DDX60: variants seen among roughly 807,000 people sequenced by gnomAD.
DDX60 encodes the protein probable ATP-dependent RNA helicase DDX60.
Under a neutral mutation model 212.8 loss-of-function variants are expected in DDX60, and 165 were observed. The observed-to-expected ratio is 0.78, with a 90% CI of 0.68 to 0.88. The LOEUF (loss-of-function observed/expected upper bound fraction) is 0.88. DDX60 is among the 40% of genes least tolerant of loss of function. The pLI is 0.00. For synonymous variants in DDX60, 703 were observed against 685.3 expected (o/e 1.03, Z -0.40); for missense variants, 1,905 against 2,003.9 (o/e 0.95, Z 0.94).
chr4:168,275,543 A>G, intron 15 of DDX60, 40 bp from the exon 16 acceptor site: 1 of 1,511,396 alleles, frequency 6.6e-7, no homozygotes, highest in East Asian at 2.3e-5. Context: ...ATGACATTGA[A>G]TTAGAATATC....
In DDX60 at chr4:168,287,054, T is replaced by C; in HGVS notation, c.1333A>G (p.Ile445Val). The C allele has an allele frequency of 6.2e-7, 1 of 1,601,026 alleles. No individual in the cohort carries two copies. The highest frequency in any genetic ancestry group is 8.5e-7 in the Non-Finnish European group (1 of 1,176,710). Reference sequence around the variant, plus strand: ...TAATTTAGAAATTTATTACCTTTGATTGGTGATGGTTTCTTTTCAAGAAAA... The same window carrying C: ...TAATTTAGAAATTTATTACCTTTGACTGGTGATGGTTTCTTTTCAAGAAAA... ...VCFLEKKPSPIKDSSNEMVPN... is the reference protein window; with the variant it reads ...VCFLEKKPSPVKDSSNEMVPN... The change falls in exon 10 of 38, where the codon ATC (isoleucine) becomes GTC (valine). Residue 445 changes from isoleucine (I) to valine (V), a missense_variant. Coordinates refer to ENST00000393743, the MANE Select transcript of DDX60 (RefSeq NM_017631.6).
At chr4:168,267,167 A>G (rs1734883132) in intron 22 of DDX60, among the ~76,000 whole-genome samples, 1 of 152,202 alleles carries the variant, frequency 6.6e-6, no homozygotes, top group Non-Finnish European at 1.5e-5. Context: ...CGTGATTGCT[A>G]CATTAGTGAG....
At chr4:168,258,955 C>A (rs1419488611) in intron 25 of DDX60, among the ~76,000 whole-genome samples, 2 of 152,196 alleles carry the variant, frequency 1.3e-5, no homozygotes, top group Non-Finnish European at 2.9e-5. Flanking sequence ...CTAACTCTTA[C>A]CTTCCTAGTC....
intron 6 of DDX60, among the ~76,000 whole-genome samples, chr4:168,301,583 AAAT>A (rs1736649758): frequency 7.0e-6 from 1 of 143,020 alleles, no homozygotes; most frequent in Non-Finnish European, 1.6e-5. Context: ...ATACTGACAT[AAAT>A]AAACAAATAA....
At chr4:168,271,335 G>A (rs1735090656) in intron 19 of DDX60, among the ~76,000 whole-genome samples, 1 of 152,174 alleles carries the variant, frequency 6.6e-6, no homozygotes, top group African/African-American at 2.4e-5. Context: ...ATGATTTCTG[G>A]TTCCACTGCG....
intron 6 of DDX60, among the ~76,000 whole-genome samples, chr4:168,297,382 G>GAGAGAGAGAGAGAGAGAGAAAGAA (rs1560870698): frequency 5.0e-5 from 2 of 39,908 alleles, no homozygotes. Flanking sequence ...AAGAAAGAAA[G>GAGAGAGAGAGAGAGAGAGAAAGAA]AGAAAGAAAG....
chr4:168,245,669 T>C (rs968522801), intron 30 of DDX60, among the ~76,000 whole-genome samples: 1 of 152,178 alleles, frequency 6.6e-6, no homozygotes, highest in Admixed American at 6.5e-5. Flanking sequence ...CTGATTTAAC[T>C]GGGCATGTTA....
intron 25 of DDX60, among the ~76,000 whole-genome samples, chr4:168,259,401 G>A (rs1384981481): frequency 2.6e-5 from 4 of 152,142 alleles, no homozygotes; most frequent in African/African-American, 7.2e-5. Context: ...GTGCAGAAAT[G>A]TATTTTCCTT....
chr4:168,236,052 G>T, intron 33 of DDX60, 200 bp downstream of exon 33: 1 of 460,046 alleles, frequency 2.2e-6, no homozygotes, highest in Non-Finnish European at 3.7e-6. Context: ...TTTTCACAAA[G>T]ACTTTAACTT....
At chr4:168,290,265 T>C (rs1417312115) in intron 8 of DDX60, among the ~76,000 whole-genome samples, 1 of 152,042 alleles carries the variant, frequency 6.6e-6, no homozygotes, top group Non-Finnish European at 1.5e-5. Context: ...GCTAACTCCT[T>C]CTATTCCTCC....
At chr4:168,247,324 A>G (rs1734056513) in intron 29 of DDX60, among the ~76,000 whole-genome samples, 1 of 152,180 alleles carries the variant, frequency 6.6e-6, no homozygotes, top group South Asian at 2.1e-4. Flanking sequence ...AGCCCAAAGG[A>G]GAAGATTCCC....
At chr4:168,233,896 C>T (rs79799753) in intron 33 of DDX60, among the ~76,000 whole-genome samples, 2,417 of 151,920 alleles carry the variant, frequency 0.016, 62 homozygotes, top group African/African-American at 0.053. Flanking sequence ...TGTGGTCATC[C>T]GGAAAAGTAT....
chr4:168,306,330 G>A, intron 5 of DDX60, 49 bp downstream of exon 5: 1 of 1,446,552 alleles, frequency 6.9e-7, no homozygotes, highest in Non-Finnish European at 9.4e-7. Flanking sequence ...AAGTAACTTA[G>A]AACATTTTGA....
At position 168,267,265 on chromosome 4, in the gene DDX60, G is replaced by T. The variant is rs185264722; in HGVS notation, c.3039+317C>A. On this transcript the variant is annotated intron_variant, in intron 22 of 37. Transcript: ENST00000393743. ...CTATGAGAAGAATTAGTGTCAGAGG[G>T]GTAGACAGACAGACATGGGAGCTGA... is the stretch of plus-strand genomic sequence containing the variant. 3.3e-4 allele frequency among the ~76,000 whole-genome samples: 50 copies of T among 152,170 alleles called. No homozygotes were observed. The Middle Eastern group carries it at 0.01, about 31-fold the overall frequency.
chr4:168,251,036 C>G lies in DDX60; in HGVS notation c.3776G>C (p.Arg1259Thr). Reference sequence around the variant, plus strand: ...AGCACTGTGATGATATCCAATACCCCTTTCTGCCAAGGCTTTCAATTCTTC... The same window carrying G: ...AGCACTGTGATGATATCCAATACCCGTTTCTGCCAAGGCTTTCAATTCTTC... Reference protein sequence around the residue: ...KGEELKALAERGIGYHHSAMS... With the variant: ...KGEELKALAETGIGYHHSAMS... The change falls in exon 28 of 38, where the codon AGG (arginine) becomes ACG (threonine). Residue 1259 changes from arginine (R) to threonine (T), a missense_variant. Coordinates refer to ENST00000393743, the MANE Select transcript of DDX60 (RefSeq NM_017631.6). The G allele has an allele frequency of 6.2e-7, 1 of 1,613,162 alleles. No individual in the cohort carries two copies. Among genetic ancestry groups the G allele is most frequent in the Non-Finnish European group, 8.5e-7 (1 of 1,179,406 alleles).
chr4:168,250,339 C>T (rs1487277330), intron 28 of DDX60, among the ~76,000 whole-genome samples: 3 of 151,816 alleles, frequency 2.0e-5, no homozygotes, highest in African/African-American at 4.8e-5. Flanking sequence ...GTCAGGAGTT[C>T]GAGACCAGCC....
intron 19 of DDX60, 22 bp from the exon 20 acceptor site, chr4:168,268,991 A>G: frequency 9.1e-7 from 1 of 1,095,784 alleles, no homozygotes; most frequent in Non-Finnish European, 1.3e-6. Context: ...AAAAAAAAAA[A>G]TCTCAACTGA....
intron 23 of DDX60, 51 bp downstream of exon 23, chr4:168,262,632 G>T: frequency 8.0e-7 from 1 of 1,243,854 alleles, no homozygotes; most frequent in Non-Finnish European, 1.2e-6. Flanking sequence ...GTGAGAGTTT[G>T]TCAATATTAT....
At chr4:168,254,718 T>C (rs1392432152) in intron 26 of DDX60, among the ~76,000 whole-genome samples, 7 of 152,166 alleles carry the variant, frequency 4.6e-5, no homozygotes, top group Admixed American at 4.6e-4. Flanking sequence ...GGGTAGAAAT[T>C]CTAACTGCAG....
Sources: gnomAD v4.1 joint callset for allele counts (sites outside exome capture counted in the v4.1 genomes callset) on GRCh38, gnomAD v4.1.1 for gene constraint, MANE v1.5 for transcripts, NCBI Gene and HGNC (gene_info 2026-07-23, HGNC 2026-07-21) for gene names.